Variants in BOC observed in about 807,000 individuals in gnomAD.
The protein encoded by BOC is brother of CDO.
Under a neutral mutation model 112.0 loss-of-function variants are expected in BOC, and 76 were observed. The ratio of observed to expected loss-of-function variants is 0.68; its 90% confidence interval spans 0.56 to 0.82. The LOEUF (loss-of-function observed/expected upper bound fraction) is 0.82. Ranked by LOEUF, BOC falls within the 40% of genes least tolerant of loss-of-function variation. The pLI is 0.00. For missense variants in BOC, 1,309 were observed against 1,511.7 expected, an observed-to-expected ratio of 0.87 and a Z score of 2.22; for synonymous variants, 580 against 599.8, an observed-to-expected ratio of 0.97 and a Z score of 0.48.
At chr3:113,237,323 T>A (rs1267094147) in intron 2 of BOC, among the ~76,000 whole-genome samples, 1 of 152,192 alleles carries the variant, frequency 6.6e-6, no homozygotes, top group East Asian at 1.9e-4. Flanking sequence ...GCCCTTCTCA[T>A]GCTCTTTTCT....
chr3:113,223,292 A>G (rs994158330), intron 2 of BOC, among the ~76,000 whole-genome samples: 1 of 152,184 alleles, frequency 6.6e-6, no homozygotes, highest in African/African-American at 2.4e-5. Flanking sequence ...TTTAAAAACA[A>G]TTTCAGGTTT....
At chr3:113,284,597 T>C (rs1576516049) in intron 17 of BOC, 30 bp downstream of exon 17, 1 of 1,593,490 alleles carries the variant, frequency 6.3e-7, no homozygotes, top group East Asian at 2.3e-5. Context: ...GGGCGGCAGG[T>C]ATGGGACACC....
At chr3:113,272,054 C>T (rs1948177553) in intron 6 of BOC, 1 of 306,588 alleles carries the variant, frequency 3.3e-6, no homozygotes, top group South Asian at 5.1e-5. Context: ...TCACAGCGCA[C>T]ATACTGAGTG....
At chr3:113,236,288 A>ATATATATATATATACCCATGGG (rs1559821665) in intron 2 of BOC, among the ~76,000 whole-genome samples, 3 of 21,638 alleles carry the variant, frequency 1.4e-4, no homozygotes, top group Non-Finnish European at 1.5e-4. Context: ...ATGGGTATAT[A>ATATATATATATATACCCATGGG]TATATATATA....
At position 113,279,986 on chromosome 3, in the gene BOC, C is replaced by A; in HGVS notation, c.2186C>A (p.Thr729Asn). The A allele has an allele frequency of 1.2e-6, 2 of 1,609,762 alleles. No individual in the cohort carries two copies. The highest frequency in any genetic ancestry group is 1.7e-5 in the Admixed American group (1 of 59,574). ...ITFTDAVNET[T>N]IMLKWMYIPA... ...TTCACGGATGCGGTCAATGAGACCA[C>A]CATCATGCTCAAGTGGATGGTAAGC... The change falls in exon 13 of 20, where the codon ACC (threonine) becomes AAC (asparagine). Residue 729 changes from threonine to asparagine, a missense_variant. By Grantham distance (65) the Thr-to-Asn change is moderately conservative. Transcript: ENST00000682979.
rs1320062244 is a variant in BOC, at chr3:113,270,960, A to G, written c.667+16A>G. ...CGTGTGCGCCGTAAGGCCCGGGCCCACCTGCTGGGGGATGGGGGATCACTG... is the reference window on the plus strand; with the variant it reads ...CGTGTGCGCCGTAAGGCCCGGGCCCGCCTGCTGGGGGATGGGGGATCACTG... On this transcript the variant is annotated intron_variant, in intron 6 of 19. Transcript: ENST00000682979. 3 of 1,613,922 alleles carry G rather than the reference A, an allele frequency of 1.9e-6. No individual in the cohort carries two copies. Among genetic ancestry groups the G allele is most frequent in the African/African-American group, 2.7e-5 (2 of 74,938 alleles).
intron 2 of BOC, among the ~76,000 whole-genome samples, chr3:113,220,850 T>G (rs1940485088): frequency 6.6e-6 from 1 of 152,210 alleles, no homozygotes. Flanking sequence ...TGGTTAACAT[T>G]CTTTTTTGAG....
At chr3:113,230,283 A>G (rs1469485228) in intron 2 of BOC, among the ~76,000 whole-genome samples, 1 of 152,236 alleles carries the variant, frequency 6.6e-6, no homozygotes, top group Non-Finnish European at 1.5e-5. Context: ...ATGCATCTTC[A>G]GGAGTACGTA....
chr3:113,267,532 C>A (rs976138952), intron 4 of BOC, among the ~76,000 whole-genome samples: 1 of 152,168 alleles, frequency 6.6e-6, no homozygotes, highest in African/African-American at 2.4e-5. Context: ...GTTGTCCTGG[C>A]AGATTCCTCT....
Position 113,278,913 on chromosome 3 carries a change from A to C in BOC, c.1816+130A>C. On this transcript the variant is annotated intron_variant, in intron 11 of 19. Coordinates refer to ENST00000682979, the MANE Select transcript of BOC (RefSeq NM_001378074.1). This position sits in a 1 kb window ranked among gnomAD's most constrained non-coding sequence, Gnocchi z 4.2. ...TTATGACATCTCCCAGTTAACCACAATGAGGAAATGTAGTTTGGAGCTTTT... is the reference window on the plus strand; with the variant it reads ...TTATGACATCTCCCAGTTAACCACACTGAGGAAATGTAGTTTGGAGCTTTT... 1.3e-6 allele frequency: 1 copy of C among 761,612 alleles called. No individual in the cohort carries two copies. 47.2% of individuals were successfully genotyped at this position (761,612 alleles called of 1,614,324 possible).
At chr3:113,217,915 C>T (rs1166973203) in intron 2 of BOC, among the ~76,000 whole-genome samples, 3 of 152,184 alleles carry the variant, frequency 2.0e-5, no homozygotes, top group African/African-American at 7.2e-5. Context: ...AAATTTTCAT[C>T]TACATGAGAT....
At chr3:113,261,065 G>A (rs1364970698) in intron 4 of BOC, among the ~76,000 whole-genome samples, 1 of 152,142 alleles carries the variant, frequency 6.6e-6, no homozygotes, top group Non-Finnish European at 1.5e-5. Flanking sequence ...ATGGGAGTAT[G>A]CAGTTTCCAG....
At chr3:113,283,127 G>A (rs571068917) in intron 15 of BOC, among the ~76,000 whole-genome samples, 8 of 152,212 alleles carry the variant, frequency 5.3e-5, no homozygotes, top group South Asian at 4.2e-4. Context: ...GCACTACACC[G>A]CTTCTGCCGG....
intron 17 of BOC, 33 bp from the exon 18 acceptor site, chr3:113,284,749 C>G (rs774350234): frequency 1.2e-6 from 2 of 1,601,046 alleles, no homozygotes; most frequent in South Asian, 1.1e-5. Flanking sequence ...GACTCCCCGG[C>G]GTGGCCGTCT....
In BOC at chr3:113,227,749, TA is replaced by T. The variant is rs371765946; in HGVS notation, c.-82+11485del. ...GAAAACAAGTGTTTTATTTTGTAAT[TA>T]AAAAAAAAACTTTACCCTTTAAAAA... is the stretch of plus-strand genomic sequence containing the variant. On this transcript the variant is annotated intron_variant, in intron 2 of 19. Transcript: ENST00000682979. 4.0e-3 allele frequency among the ~76,000 whole-genome samples: 589 copies of T among 148,516 alleles called. 5 individuals are homozygous for T. The highest frequency in any genetic ancestry group is 0.012 in the African/African-American group (468 of 40,586).
intron 15 of BOC, among the ~76,000 whole-genome samples, chr3:113,282,201 T>C (rs1949261788): frequency 6.6e-6 from 1 of 152,098 alleles, no homozygotes; most frequent in African/African-American, 2.4e-5. Flanking sequence ...CTGGAGCCAC[T>C]GGAGGCTGTG....
chr3:113,272,469 ACCAAAGG>A lies in BOC; in HGVS notation c.731_737del (p.Lys244ArgfsTer36). On this transcript the variant is annotated frameshift_variant, in exon 7 of 20. Coordinates refer to ENST00000682979, the MANE Select transcript of BOC (RefSeq NM_001378074.1). LOFTEE classifies it high-confidence loss of function. ...CCCAGAGGCCCAAACCATCATCGTC[ACCAAAGG>A]CCAGAGTCTCATTCTGGAGTGTGTG... 1 of 1,613,974 alleles carries A rather than the reference ACCAAAGG, an allele frequency of 6.2e-7. No individual in the cohort carries two copies. Among genetic ancestry groups the A allele is most frequent in the Non-Finnish European group, 8.5e-7 (1 of 1,180,002 alleles).
At chr3:113,270,618 G>A (rs1033183175) in intron 5 of BOC, 183 bp from the exon 6 acceptor site, 1 of 643,388 alleles carries the variant, frequency 1.6e-6, no homozygotes, top group Non-Finnish European at 2.6e-6. Context: ...TGTCCTGCTT[G>A]TTGCAAGGTT....
intron 2 of BOC, among the ~76,000 whole-genome samples, chr3:113,226,695 C>CG (rs397702895): frequency 2.0e-4 from 25 of 126,114 alleles, no homozygotes; most frequent in African/African-American, 7.5e-4. Context: ...CCAAGATGAA[C>CG]TGGCTAGGGG....
Sources: gnomAD v4.1 joint callset for allele counts (sites outside exome capture counted in the v4.1 genomes callset) on GRCh38, gnomAD v4.1.1 for gene constraint, Gnocchi (gnomAD v3.1) non-coding constraint, MANE v1.5 for transcripts, NCBI Gene and HGNC (gene_info 2026-07-23, HGNC 2026-07-21) for gene names.